AGAP1: variants seen among roughly 807,000 people sequenced by gnomAD.
The protein encoded by AGAP1 is ArfGAP with GTPase domain, ankyrin repeat and PH domain 1, also known as arf-GAP with GTPase, ANK repeat and PH domain-containing protein 1.
Under a neutral mutation model 105.3 loss-of-function variants are expected in AGAP1, and 29 were observed. The observed-to-expected ratio is 0.28, with a 90% CI of 0.21 to 0.38. The LOEUF (loss-of-function observed/expected upper bound fraction) is 0.38, where lower values mean the gene tolerates loss of function less well. Ranked by LOEUF, AGAP1 falls within the 10% of genes least tolerant of loss-of-function variation. The pLI is 1.00. For missense variants in AGAP1, 998 were observed against 1,165.1 expected (o/e 0.86, Z 2.09); for synonymous variants, 509 against 485.9 (o/e 1.05, Z -0.63).
intron 12 of AGAP1, 55 bp from the exon 13 acceptor site, chr2:235,968,407 A>C (rs1035740745): frequency 6.5e-7 from 1 of 1,546,500 alleles, no homozygotes; most frequent in Non-Finnish European, 8.7e-7. Flanking sequence ...TCTGCTTTGT[A>C]AGTGCTCACT....
intron 1 of AGAP1, among the ~76,000 whole-genome samples, chr2:235,681,174 AATTTTTTTG>A (rs972797545): frequency 2.6e-5 from 4 of 152,016 alleles, no homozygotes; most frequent in Non-Finnish European, 4.4e-5. Flanking sequence ...ATGCCCAGCT[AATTTTTTTG>A]TATTTTTAGT....
At chr2:235,495,323 G>T (rs549503812) in intron 1 of AGAP1, among the ~76,000 whole-genome samples, 1 of 152,364 alleles carries the variant, frequency 6.6e-6, no homozygotes, top group South Asian at 2.1e-4. Flanking sequence ...GCCCTCCTTA[G>T]TGTGTTTGCT....
intron 11 of AGAP1, among the ~76,000 whole-genome samples, chr2:235,911,059 A>G (rs1166430944): frequency 6.6e-6 from 1 of 152,218 alleles, no homozygotes; most frequent in Non-Finnish European, 1.5e-5. Context: ...AAGTAAAAGC[A>G]TTTATTGAGT....
In AGAP1 at chr2:235,777,504, C is replaced by G. The variant is rs2149900585; in HGVS notation, c.674-20255C>G. 6.6e-6 allele frequency among the ~76,000 whole-genome samples: 1 copy of G among 152,368 alleles called. No individual in the cohort carries two copies. Among genetic ancestry groups the G allele is most frequent in the Admixed American group, 6.5e-5 (1 of 15,306 alleles). ...TCAGCAGGCAGCCTTGCGTCTGCCTCTGGGAGCAGAAACCGTTGTTTCACC... is the reference window on the plus strand; with the variant it reads ...TCAGCAGGCAGCCTTGCGTCTGCCTGTGGGAGCAGAAACCGTTGTTTCACC... On this transcript the variant is annotated intron_variant, in intron 6 of 17. Transcript: ENST00000304032. The surrounding 1 kb of genome is among the most constrained non-coding windows in gnomAD (Gnocchi z 5.1).
intron 1 of AGAP1, among the ~76,000 whole-genome samples, chr2:235,571,932 T>TTGTGTGTGTGTGTGTGTGTGTGTGTGTG (rs141898525): frequency 1.8e-3 from 185 of 103,648 alleles, no homozygotes; most frequent in African/African-American, 7.5e-3. Flanking sequence ...TGCCCACACT[T>TTGTGTGTGTGTGTGTGTGTGTGTGTGTG]TGTGTGTGTG....
intron 11 of AGAP1, among the ~76,000 whole-genome samples, chr2:235,920,941 A>ATT: frequency 6.6e-6 from 1 of 152,318 alleles, no homozygotes; most frequent in South Asian, 2.1e-4. Context: ...CATTATCACC[A>ATT]TTTCTTCATT....
At chr2:235,991,572 A>G (rs982398505) in intron 13 of AGAP1, among the ~76,000 whole-genome samples, 3 of 152,222 alleles carry the variant, frequency 2.0e-5, no homozygotes, top group Non-Finnish European at 4.4e-5. Context: ...TGGTTTTTTA[A>G]ATCATTTCAT....
chr2:235,494,980 T>G, intron 1 of AGAP1, 131 bp downstream of exon 1: 2 of 834,930 alleles, frequency 2.4e-6, no homozygotes, highest in Non-Finnish European at 3.3e-6. Flanking sequence ...GAGGGAGCAC[T>G]GCGGCGCTGC....
At chr2:235,746,377 C>CATT (rs1295250993) in intron 5 of AGAP1, among the ~76,000 whole-genome samples, 1 of 55,546 alleles carries the variant, frequency 1.8e-5, no homozygotes, top group Non-Finnish European at 3.0e-5. Context: ...CCTCCCCCAA[C>CATT]TTTTTTTTTT....
chr2:236,021,920 GT>G (rs1205033086), intron 13 of AGAP1, among the ~76,000 whole-genome samples: 8 of 151,864 alleles, frequency 5.3e-5, no homozygotes, highest in Admixed American at 5.3e-4. Flanking sequence ...TTAGCCAGGT[GT>G]GGTGGCGCAT....
intron 1 of AGAP1, among the ~76,000 whole-genome samples, chr2:235,698,434 AT>A (rs2149467648): frequency 6.6e-6 from 1 of 152,104 alleles, no homozygotes; most frequent in African/African-American, 2.4e-5. Flanking sequence ...CTTACATCTC[AT>A]GAAAAAAAAA....
intron 9 of AGAP1, among the ~76,000 whole-genome samples, chr2:235,812,613 G>A (rs545770692): frequency 4.4e-4 from 67 of 152,338 alleles, no homozygotes; most frequent in African/African-American, 1.3e-3. Context: ...CTTCACCGGC[G>A]TGTGCTGCTT....
rs1402294403 is a variant in AGAP1, at chr2:235,877,547, G to C, written c.1051-5798G>C. The stretch of plus-strand genomic sequence containing the variant: ...CCCCGGGGGTTAACTTGTTCTCAGA[G>C]TGAGTGATTTACATGTTGCGTCTCC... On this transcript the variant is annotated intron_variant, in intron 9 of 17. Coordinates refer to ENST00000304032, the MANE Select transcript of AGAP1 (RefSeq NM_001037131.3). This position sits in a 1 kb window ranked among gnomAD's most constrained non-coding sequence, Gnocchi z 4.3. Among the ~76,000 whole-genome samples, 1 of 150,686 alleles carries C rather than the reference G, an allele frequency of 6.6e-6. No homozygotes were observed. The highest frequency in any genetic ancestry group is 1.5e-5 in the Non-Finnish European group (1 of 68,040).
chr2:235,735,160 A>G (rs1176506648), intron 3 of AGAP1, among the ~76,000 whole-genome samples: 1 of 152,208 alleles, frequency 6.6e-6, no homozygotes, highest in Non-Finnish European at 1.5e-5. Flanking sequence ...TTTGTAGACG[A>G]TGGCGTTGGA....
chr2:235,654,668 C>T (rs578219916), intron 1 of AGAP1, among the ~76,000 whole-genome samples: 1 of 152,248 alleles, frequency 6.6e-6, no homozygotes, highest in Admixed American at 6.5e-5. Context: ...TCAGTGGTCC[C>T]CCCGGCCACT....
At position 235,855,569 on chromosome 2, in the gene AGAP1, G is replaced by A. The variant is rs370389093; in HGVS notation, c.1051-27776G>A. Among the ~76,000 whole-genome samples the A allele has an allele frequency of 1.2e-4, 18 of 152,192 alleles. No individual in the cohort carries two copies. The East Asian group carries it at 2.7e-3, about 23-fold the overall frequency. ...CGAGCAATTTCTGCTTTAAATATAG[G>A]GTATCATTCTTTCCTTTAGATTCGT... is the stretch of plus-strand genomic sequence containing the variant. On this transcript the variant is annotated intron_variant, in intron 9 of 17. Coordinates refer to ENST00000304032, the MANE Select transcript of AGAP1 (RefSeq NM_001037131.3). The surrounding 1 kb of genome is among the most constrained non-coding windows in gnomAD (Gnocchi z 5.0).
intron 9 of AGAP1, among the ~76,000 whole-genome samples, chr2:235,861,324 TC>T (rs369449257): frequency 2.0e-5 from 3 of 152,322 alleles, no homozygotes; most frequent in African/African-American, 7.2e-5. Flanking sequence ...TGTGGTCTGT[TC>T]TATGTGGTCA....
Position 235,970,127 on chromosome 2 carries a change from AGGAGGT to A in AGAP1, c.1645+1511_1645+1516del, listed in dbSNP as rs1380492381. Among the ~76,000 whole-genome samples, 1 of 150,386 alleles carries A rather than the reference AGGAGGT, an allele frequency of 6.6e-6. No homozygotes were observed. The highest frequency in any genetic ancestry group is 1.5e-5 in the Non-Finnish European group (1 of 67,744). On this transcript the variant is annotated intron_variant, in intron 13 of 17. Transcript: ENST00000304032. The surrounding 1 kb of genome is among the most constrained non-coding windows in gnomAD (Gnocchi z 5.4). ...TGAGGCAGGAGCATTGATTGAACCC[AGGAGGT>A]GGAGGTTGCAGTGAACCGAGACCAT...
intron 1 of AGAP1, among the ~76,000 whole-genome samples, chr2:235,531,907 C>T (rs981443350): frequency 7.9e-5 from 12 of 152,110 alleles, no homozygotes; most frequent in Admixed American, 1.3e-4. Context: ...CCCCTGCACC[C>T]GGCCTAGCTT....
Sources: gnomAD v4.1 joint callset for allele counts (sites outside exome capture counted in the v4.1 genomes callset) on GRCh38, gnomAD v4.1.1 for gene constraint, Gnocchi (gnomAD v3.1) non-coding constraint, MANE v1.5 for transcripts, NCBI Gene and HGNC (gene_info 2026-07-23, HGNC 2026-07-21) for gene names.